The following HEPHL1 variants were observed in gnomAD, a reference collection of about 807,000 sequenced individuals.
The protein encoded by HEPHL1 is hephaestin like 1.
Under a neutral mutation model 122.0 loss-of-function variants are expected in HEPHL1, and 123 were observed. That is an observed-to-expected ratio of 1.01 (90% CI 0.87 to 1.17). The LOEUF is 1.17. Ranked by LOEUF, HEPHL1 falls within the 50% of genes most tolerant of loss-of-function variation. The pLI, the probability that HEPHL1 is intolerant of heterozygous loss-of-function variation, is 0.00. For synonymous variants in HEPHL1, 527 were observed against 508.9 expected, an observed-to-expected ratio of 1.04 and a Z score of -0.48; for missense variants, 1,452 against 1,430.5, an observed-to-expected ratio of 1.01 and a Z score of -0.24.
chr11:94,108,328 C>A (rs750259486), intron 17 of HEPHL1, among the ~76,000 whole-genome samples: 1 of 152,094 alleles, frequency 6.6e-6, no homozygotes, highest in Non-Finnish European at 1.5e-5. Context: ...ATGTGACTCA[C>A]AAATATTTGC....
chr11:94,110,449 C>A (rs1946439421), intron 17 of HEPHL1, among the ~76,000 whole-genome samples: 1 of 152,192 alleles, frequency 6.6e-6, no homozygotes, highest in Admixed American at 6.5e-5. Context: ...GAGGGTTCAG[C>A]TCCTGATCAT....
chr11:94,082,075 T>C (rs72968735), intron 9 of HEPHL1, among the ~76,000 whole-genome samples: 2,246 of 151,434 alleles, frequency 0.015, 83 homozygotes, highest in East Asian at 0.12. Context: ...TACAGGGAAA[T>C]GAAGTCAGAG....
chr11:94,084,398 A>G (rs772768079), intron 10 of HEPHL1, among the ~76,000 whole-genome samples: 4 of 151,870 alleles, frequency 2.6e-5, no homozygotes, highest in Non-Finnish European at 4.4e-5. Context: ...AGGATATATC[A>G]TTGTTAAAAC....
intron 2 of HEPHL1, among the ~76,000 whole-genome samples, chr11:94,046,131 G>C (rs1376143605): frequency 4.3e-5 from 4 of 93,474 alleles, no homozygotes; most frequent in African/African-American, 1.7e-4. Flanking sequence ...GTCTCACTCT[G>C]TTGCCCAGGC....
At chr11:94,070,333 A>G (rs1280620175) in intron 5 of HEPHL1, 41 bp from the exon 6 acceptor site, 1 of 1,540,162 alleles carries the variant, frequency 6.5e-7, no homozygotes, top group East Asian at 2.4e-5. Context: ...TCCTTTTGTG[A>G]TCATTTATGC....
chr11:94,036,696 C>T (rs373763889), intron 1 of HEPHL1, among the ~76,000 whole-genome samples: 9 of 152,030 alleles, frequency 5.9e-5, no homozygotes, highest in Admixed American at 2.6e-4. Context: ...AAAATTAGCC[C>T]GGCGTGGTGG....
At chr11:94,085,939 C>T (rs1372373755) in intron 10 of HEPHL1, 38 bp from the exon 11 acceptor site, 6 of 1,475,588 alleles carry the variant, frequency 4.1e-6, no homozygotes, top group Non-Finnish European at 4.7e-6. Context: ...GCCCCATACA[C>T]ACTGATAATT....
intron 17 of HEPHL1, among the ~76,000 whole-genome samples, chr11:94,109,284 G>C (rs1946430895): frequency 6.6e-6 from 1 of 152,094 alleles, no homozygotes; most frequent in Non-Finnish European, 1.5e-5. Flanking sequence ...TTTCTATGCA[G>C]ACAATCATGT....
At chr11:94,027,274 A>C (rs1945633635) in intron 1 of HEPHL1, among the ~76,000 whole-genome samples, 1 of 152,170 alleles carries the variant, frequency 6.6e-6, no homozygotes, top group African/African-American at 2.4e-5. Context: ...CAAGATCCTT[A>C]ACTTAATCAC....
chr11:94,101,258 G>A lies in HEPHL1; in HGVS notation c.2498G>A (p.Arg833Lys), dbSNP rs1225622291. 2 of 1,613,916 alleles carry A rather than the reference G, an allele frequency of 1.2e-6. No individual in the cohort carries two copies. Among genetic ancestry groups the A allele is most frequent in the East Asian group, 2.2e-5 (1 of 44,878 alleles). Residue 833 changes from arginine (R) to lysine (K), a missense_variant, in exon 14 of 20, where the codon AGG (arginine) becomes AAG (lysine). Transcript: ENST00000315765. ...VLIIFKNKAS[R>K]PYSISAQGVE... ...ATCATATTTAAGAACAAAGCCAGTA[G>A]GCCCTACTCCATCTCAGCCCAGGGT...
chr11:94,066,020 C>CA (rs1302416840), intron 4 of HEPHL1, among the ~76,000 whole-genome samples: 1 of 151,224 alleles, frequency 6.6e-6, no homozygotes, highest in Non-Finnish European at 1.5e-5. Context: ...CCGTTATCTA[C>CA]AAAAAATTCA....
chr11:94,110,667 T>TG (rs1464237151), intron 17 of HEPHL1, among the ~76,000 whole-genome samples: 1 of 152,226 alleles, frequency 6.6e-6, no homozygotes, highest in Non-Finnish European at 1.5e-5. Flanking sequence ...GGGATCATTG[T>TG]GGGCCATCAT....
chr11:94,094,962 G>C (rs530995949), intron 13 of HEPHL1, among the ~76,000 whole-genome samples: 2 of 152,262 alleles, frequency 1.3e-5, no homozygotes, highest in South Asian at 2.1e-4. Flanking sequence ...TCACTCTGAT[G>C]GTAGTTTCTT....
At chr11:94,023,171 A>G (rs534865051) in intron 1 of HEPHL1, among the ~76,000 whole-genome samples, 52 of 152,314 alleles carry the variant, frequency 3.4e-4, no homozygotes, top group African/African-American at 1.1e-3. Flanking sequence ...CACCAAACTC[A>G]TTGCTTTGGT....
intron 2 of HEPHL1, among the ~76,000 whole-genome samples, chr11:94,048,827 A>G (rs965303195): frequency 2.6e-5 from 4 of 152,122 alleles, no homozygotes; most frequent in Admixed American, 6.5e-5. Flanking sequence ...TTATCTCATA[A>G]CACTTAATAC....
At chr11:94,089,050 A>G (rs1360195406) in intron 12 of HEPHL1, 82 bp downstream of exon 12, 3 of 1,259,658 alleles carry the variant, frequency 2.4e-6, no homozygotes, top group Non-Finnish European at 3.5e-6. Flanking sequence ...CTCCCTGCAA[A>G]TTCCCAGGTT....
At chr11:94,035,867 G>A (rs1331121239) in intron 1 of HEPHL1, among the ~76,000 whole-genome samples, 1 of 152,168 alleles carries the variant, frequency 6.6e-6, no homozygotes. Context: ...CTCCTGAGTA[G>A]CTGGGACTAC....
At position 94,028,666 on chromosome 11, in the gene HEPHL1, T is replaced by A. The variant is rs141156415; in HGVS notation, c.170+7128T>A. ...TGAGTCAAGATGTTAGAATGCAGAT[T>A]GAAAATGTTCTTGAGGAATAGTGAT... is the stretch of plus-strand genomic sequence containing the variant. On this transcript the variant is annotated intron_variant, in intron 1 of 19. Coordinates refer to ENST00000315765, the MANE Select transcript of HEPHL1 (RefSeq NM_001098672.2). Among the ~76,000 whole-genome samples, 618 of 152,324 alleles carry A rather than the reference T, an allele frequency of 4.1e-3. 3 individuals are homozygous for A. The highest frequency in any genetic ancestry group is 0.014 in the African/African-American group (594 of 41,568).
At chr11:94,042,875 TAA>T (rs58966846) in intron 1 of HEPHL1, among the ~76,000 whole-genome samples, 3 of 63,168 alleles carry the variant, frequency 4.7e-5, no homozygotes, top group African/African-American at 2.0e-4. Flanking sequence ...TAAAGTATAA[TAA>T]AAAAAAAAAA....
Sources: gnomAD v4.1 joint callset for allele counts (sites outside exome capture counted in the v4.1 genomes callset) on GRCh38, gnomAD v4.1.1 for gene constraint, MANE v1.5 for transcripts, NCBI Gene and HGNC (gene_info 2026-07-23, HGNC 2026-07-21) for gene names.